Variants in NRXN3 observed in about 807,000 individuals in gnomAD.
NRXN3 encodes the protein neurexin 3, also known as neurexin III.
In NRXN3, 32 loss-of-function variants were observed where a neutral mutation model predicts 137.6. The observed-to-expected ratio is 0.23, with a 90% CI of 0.18 to 0.31. NRXN3 has a LOEUF of 0.31. NRXN3 is among the 10% of genes least tolerant of loss of function. The probability of loss-of-function intolerance (pLI) is 1.00; values close to 1 mark genes in which losing one functional copy is unlikely to be tolerated. For synonymous variants in NRXN3, 798 were observed against 784.5 expected (o/e 1.02, Z -0.29); for missense variants, 1,574 against 2,062.5 (o/e 0.76, Z 4.59).
chr14:79,793,248 G>A (rs1229851368), intron 19 of NRXN3, among the ~76,000 whole-genome samples: 3 of 151,882 alleles, frequency 2.0e-5, no homozygotes, highest in Non-Finnish European at 4.4e-5. Flanking sequence ...TGGCTAACCC[G>A]GTGAAACACC....
At chr14:79,612,709 A>G (rs542134165) in intron 16 of NRXN3, among the ~76,000 whole-genome samples, 7 of 152,128 alleles carry the variant, frequency 4.6e-5, no homozygotes, top group Admixed American at 4.6e-4. Flanking sequence ...CAATTAGTCT[A>G]GTGTGGTGGC....
rs756451284 is a variant in NRXN3 at position 79,011,675 on chromosome 14, A to G, written c.3262+23534A>G. Among the ~76,000 whole-genome samples, 101 of 152,060 alleles carry G rather than the reference A, an allele frequency of 6.6e-4. 1 individual carries two copies. Among genetic ancestry groups the G allele is most frequent in the Non-Finnish European group, 1.1e-3 (76 of 68,010 alleles). ...GCATGTCTCCACAGGCTACACTTACAACAGTCTTTCCTCCTACAGAGCGGG... is the reference window on the plus strand; with the variant it reads ...GCATGTCTCCACAGGCTACACTTACGACAGTCTTTCCTCCTACAGAGCGGG... On this transcript the variant is annotated intron_variant, in intron 15 of 20. Transcript: ENST00000335750.
chr14:78,247,687 T>C (rs2067897896), intron 2 of NRXN3, among the ~76,000 whole-genome samples: 1 of 152,220 alleles, frequency 6.6e-6, no homozygotes, highest in African/African-American at 2.4e-5. Flanking sequence ...CGTCCTGTTA[T>C]GGGCAGCCTT....
Position 78,750,304 on chromosome 14 carries a change from G to A in NRXN3, c.2044+35165G>A, listed in dbSNP as rs550418191. On this transcript the variant is annotated intron_variant, in intron 8 of 20. Coordinates refer to ENST00000335750, the MANE Select transcript of NRXN3 (RefSeq NM_001330195.2). ...AGCAGATATAGTCGATATATCCTGG[G>A]TTCATGAATGACAAAACTTTTCTTC... is the stretch of plus-strand genomic sequence containing the variant. 3.9e-5 allele frequency among the ~76,000 whole-genome samples: 6 copies of A among 152,276 alleles called. No homozygotes were observed. The South Asian group carries it at 1.0e-3, about 26-fold the overall frequency.
intron 1 of NRXN3, among the ~76,000 whole-genome samples, chr14:78,185,559 A>G (rs891904452): frequency 1.3e-5 from 2 of 152,180 alleles, no homozygotes; most frequent in East Asian, 3.9e-4. Context: ...AAGAATCCTA[A>G]CTTAATCTGA....
chr14:79,843,224 G>T (rs1293402442), intron 20 of NRXN3, among the ~76,000 whole-genome samples: 1 of 152,144 alleles, frequency 6.6e-6, no homozygotes, highest in African/African-American at 2.4e-5. Context: ...CAAGTCACAT[G>T]AATTTCTTGG....
At chr14:79,614,332 G>A (rs918937) in intron 16 of NRXN3, among the ~76,000 whole-genome samples, 58,898 of 152,050 alleles carry the variant, frequency 0.39, 15,752 homozygotes, top group African/African-American at 0.76. Context: ...AAAACGCCCA[G>A]TTAGTTTTTA....
chr14:79,240,730 T>C (rs751660366), intron 15 of NRXN3, among the ~76,000 whole-genome samples: 13 of 152,108 alleles, frequency 8.5e-5, no homozygotes, highest in Non-Finnish European at 1.6e-4. Flanking sequence ...GCTTGACATA[T>C]TGATATCATC....
chr14:78,475,911 A>G (rs2095369798), intron 4 of NRXN3, among the ~76,000 whole-genome samples: 1 of 152,220 alleles, frequency 6.6e-6, no homozygotes, highest in African/African-American at 2.4e-5. Context: ...ATAATAAGGT[A>G]TACCAAGTAG....
At chr14:78,848,724 G>A (rs1007739174) in intron 10 of NRXN3, among the ~76,000 whole-genome samples, 2 of 152,072 alleles carry the variant, frequency 1.3e-5, no homozygotes, top group South Asian at 2.1e-4. Context: ...TTACTTTGTG[G>A]GATTCAGATC....
chr14:79,435,732 T>G (rs975257535), intron 15 of NRXN3, among the ~76,000 whole-genome samples: 1 of 152,024 alleles, frequency 6.6e-6, no homozygotes, highest in Non-Finnish European at 1.5e-5. Flanking sequence ...TCTCCTGAGC[T>G]CAGGCTATCC....
chr14:78,692,952 A>G (rs1208630654), intron 6 of NRXN3, among the ~76,000 whole-genome samples: 1 of 151,730 alleles, frequency 6.6e-6, no homozygotes, highest in African/African-American at 2.4e-5. Context: ...GTGTGGTGGC[A>G]CACGTCTGCA....
At chr14:78,188,472 A>G (rs892994430) in intron 1 of NRXN3, among the ~76,000 whole-genome samples, 2 of 152,198 alleles carry the variant, frequency 1.3e-5, no homozygotes, top group African/African-American at 4.8e-5. Flanking sequence ...CAAATCAGGA[A>G]ACCAAGGCAG....
chr14:79,050,169 T>A (rs2099639805), intron 15 of NRXN3, among the ~76,000 whole-genome samples: 1 of 152,190 alleles, frequency 6.6e-6, no homozygotes, highest in Non-Finnish European at 1.5e-5. Flanking sequence ...ACTTTCGCCT[T>A]TCTGTTTCTG....
chr14:79,201,530 T>G (rs531116926), intron 15 of NRXN3: 21 of 152,336 alleles, frequency 1.4e-4, no homozygotes, highest in African/African-American at 5.0e-4. Context: ...CCTCTGAGAT[T>G]GGCAGCATTT....
chr14:79,849,026 C>T (rs917839412), intron 20 of NRXN3, among the ~76,000 whole-genome samples: 5 of 152,232 alleles, frequency 3.3e-5, no homozygotes, highest in Admixed American at 1.3e-4. Flanking sequence ...TGTCATCATT[C>T]TTGGGCCCCT....
intron 4 of NRXN3, among the ~76,000 whole-genome samples, chr14:78,523,699 C>A (rs1200415576): frequency 6.7e-6 from 1 of 149,332 alleles, no homozygotes; most frequent in African/African-American, 2.5e-5. Flanking sequence ...TGCCTATAGT[C>A]CCAGCTACTT....
chr14:78,319,590 T>A (rs2079091622), intron 4 of NRXN3, among the ~76,000 whole-genome samples: 1 of 152,184 alleles, frequency 6.6e-6, no homozygotes, highest in Non-Finnish European at 1.5e-5. Context: ...CCCAAATTTA[T>A]CAGGGCTTGC....
chr14:79,176,056 T>C (rs140720370), intron 15 of NRXN3, among the ~76,000 whole-genome samples: 4 of 152,338 alleles, frequency 2.6e-5, no homozygotes, highest in Admixed American at 6.5e-5. Context: ...AAGCAATGCA[T>C]TGGACTTTCC....
Sources: gnomAD v4.1 joint callset for allele counts (sites outside exome capture counted in the v4.1 genomes callset) on GRCh38, gnomAD v4.1.1 for gene constraint, MANE v1.5 for transcripts, NCBI Gene and HGNC (gene_info 2026-07-23, HGNC 2026-07-21) for gene names.